Variants in KYNU observed in about 807,000 individuals in gnomAD.
KYNU encodes the protein L-kynurenine hydrolase.
A neutral mutation model predicts 59.2 loss-of-function variants in KYNU; 54 were observed. The observed-to-expected ratio is 0.91, with a 90% CI of 0.73 to 1.14. The LOEUF is 1.14. Among genes scored for constraint, KYNU ranks in the 50% most tolerant of loss-of-function variants. KYNU has a pLI of 0.00. For missense variants in KYNU, 567 were observed against 554.4 expected (o/e 1.02, Z -0.23); for synonymous variants, 177 against 192.0 (o/e 0.92, Z 0.65).
intron 1 of KYNU, among the ~76,000 whole-genome samples, chr2:142,883,079 T>C (rs971382214): frequency 3.3e-5 from 5 of 152,124 alleles, no homozygotes; most frequent in Admixed American, 6.5e-5. Context: ...AGCTAAGTGG[T>C]TTTTATTTAA....
In KYNU at chr2:143,044,733, T is replaced by C. The variant is rs1415940302; in HGVS notation, c.*2561T>C. ...CCTTGTAGATTCTGGATATTTTCCCTTTGTCAGATGGATAGATTGCAAAAA... is the reference window on the plus strand; with the variant it reads ...CCTTGTAGATTCTGGATATTTTCCCCTTGTCAGATGGATAGATTGCAAAAA... On this transcript the variant is annotated 3_prime_UTR_variant, in exon 14 of 14. Coordinates refer to ENST00000264170, the MANE Select transcript of KYNU (RefSeq NM_003937.3). 1 of 152,204 alleles carries C rather than the reference T, an allele frequency of 6.6e-6. No individual in the cohort carries two copies. The highest frequency in any genetic ancestry group is 1.9e-4 in the East Asian group (1 of 5,202). 9.4% of individuals were successfully genotyped at this position (152,204 alleles called of 1,614,324 possible). A position where few individuals can be genotyped will look rare whatever the true frequency, so the allele number is the denominator to read the frequency against.
intron 1 of KYNU, among the ~76,000 whole-genome samples, chr2:142,882,797 C>T (rs1350629187): frequency 6.6e-6 from 1 of 152,136 alleles, no homozygotes; most frequent in Non-Finnish European, 1.5e-5. Flanking sequence ...CATACATGTG[C>T]ATGTGTCTTT....
chr2:143,023,675 A>AT, intron 10 of KYNU, among the ~76,000 whole-genome samples: 1 of 152,004 alleles, frequency 6.6e-6, no homozygotes, highest in African/African-American at 2.4e-5. Context: ...GTGATAACAG[A>AT]TTAGGTAGAA....
chr2:143,036,361 G>A (rs2104921871), intron 12 of KYNU, among the ~76,000 whole-genome samples: 1 of 152,188 alleles, frequency 6.6e-6, no homozygotes, highest in South Asian at 2.1e-4. Context: ...GCTGGAATGG[G>A]ACCTCCCATT....
In KYNU at chr2:143,050,050, A is replaced by G. The variant is rs1687236930; in HGVS notation, c.*7878A>G. On this transcript the variant is annotated 3_prime_UTR_variant, in exon 14 of 14. Coordinates refer to ENST00000264170, the MANE Select transcript of KYNU (RefSeq NM_003937.3). Reference sequence around the variant, plus strand: ...ACATATATTTATATAAAATAAAAACATATAAAATATGAAATATATAATACA... The same window carrying G: ...ACATATATTTATATAAAATAAAAACGTATAAAATATGAAATATATAATACA... 6.8e-6 allele frequency: 1 copy of G among 148,088 alleles called. No individual in the cohort carries two copies. Among genetic ancestry groups the G allele is most frequent in the Non-Finnish European group, 1.5e-5 (1 of 67,122 alleles). 9.2% of individuals were successfully genotyped at this position (148,088 alleles called of 1,614,324 possible). A position where few individuals can be genotyped will look rare whatever the true frequency, so the allele number is the denominator to read the frequency against.
chr2:142,922,284 T>C (rs1682908530), intron 3 of KYNU, among the ~76,000 whole-genome samples: 1 of 152,208 alleles, frequency 6.6e-6, no homozygotes, highest in Admixed American at 6.5e-5. Flanking sequence ...GCAGATCACT[T>C]GAGTTCAGGA....
At chr2:142,918,848 C>A in intron 3 of KYNU, 119 bp downstream of exon 3, 1 of 1,184,144 alleles carries the variant, frequency 8.4e-7, no homozygotes, top group Non-Finnish European at 1.2e-6. Flanking sequence ...CATCCCTTGG[C>A]ATCTGTGGAG....
intron 2 of KYNU, among the ~76,000 whole-genome samples, chr2:142,918,197 C>T (rs1682733820): frequency 6.6e-6 from 1 of 152,034 alleles, no homozygotes; most frequent in Non-Finnish European, 1.5e-5. Context: ...AAAAAAATTG[C>T]CATGTCTACA....
At chr2:142,994,831 A>G (rs974636459) in intron 10 of KYNU, among the ~76,000 whole-genome samples, 6 of 152,134 alleles carry the variant, frequency 3.9e-5, no homozygotes, top group African/African-American at 1.4e-4. Context: ...TAGACAAACC[A>G]TCTTCTAGCA....
At chr2:142,905,892 C>T (rs554178965) in intron 2 of KYNU, among the ~76,000 whole-genome samples, 2 of 152,238 alleles carry the variant, frequency 1.3e-5, no homozygotes, top group East Asian at 1.9e-4. Flanking sequence ...AGAAGACCTT[C>T]GATTATCAAT....
intron 8 of KYNU, among the ~76,000 whole-genome samples, chr2:142,962,920 G>T (rs1198220956): frequency 1.3e-5 from 2 of 152,140 alleles, no homozygotes; most frequent in East Asian, 3.8e-4. Flanking sequence ...AGGCAGAGAA[G>T]AAATTAAAGG....
chr2:142,956,593 G>A (rs1164794625), intron 6 of KYNU, among the ~76,000 whole-genome samples: 1 of 152,088 alleles, frequency 6.6e-6, no homozygotes, highest in Non-Finnish European at 1.5e-5. Flanking sequence ...TTTATTTTAT[G>A]AAATCAAATC....
chr2:142,982,582 A>T (rs1685080878), intron 8 of KYNU, among the ~76,000 whole-genome samples: 1 of 152,070 alleles, frequency 6.6e-6, no homozygotes, highest in African/African-American at 2.4e-5. Context: ...GTAAATAACT[A>T]AAACAGAATG....
chr2:142,930,659 T>A (rs1261457993), intron 4 of KYNU, among the ~76,000 whole-genome samples: 1 of 152,122 alleles, frequency 6.6e-6, no homozygotes, highest in Non-Finnish European at 1.5e-5. Context: ...CTCTCACACG[T>A]CTTATAAGGA....
chr2:143,030,458 G>T (rs1438143608), intron 11 of KYNU, among the ~76,000 whole-genome samples: 1 of 152,030 alleles, frequency 6.6e-6, no homozygotes, highest in African/African-American at 2.4e-5. Flanking sequence ...TTTTAAATTT[G>T]TTTTCATTTT....
intron 4 of KYNU, among the ~76,000 whole-genome samples, chr2:142,946,635 G>C (rs1558937266): frequency 1.3e-5 from 2 of 152,166 alleles, no homozygotes; most frequent in South Asian, 4.1e-4. Context: ...TCCAGGCTTT[G>C]TCGTTTCACT....
chr2:143,008,395 C>A (rs1441948260), intron 10 of KYNU, among the ~76,000 whole-genome samples: 534 of 50,518 alleles, frequency 0.011, no homozygotes, highest in East Asian at 0.014. Context: ...CAGGAGCACC[C>A]AGATTCATAA....
At chr2:142,932,095 A>G (rs769037782) in intron 4 of KYNU, among the ~76,000 whole-genome samples, 43 of 152,084 alleles carry the variant, frequency 2.8e-4, no homozygotes, top group Non-Finnish European at 5.7e-4. Flanking sequence ...GGCCAGAGGG[A>G]GCCTTGGGGT....
At position 143,044,106 on chromosome 2, in the gene KYNU, T is replaced by G. The variant is rs59441438; in HGVS notation, c.*1934T>G. On this transcript the variant is annotated 3_prime_UTR_variant, in exon 14 of 14. Transcript: ENST00000264170. Reference sequence around the variant, plus strand: ...CAGTGTTTGATTTTCTGTTCCTCTGTTAGTTTGCTGAGAATGATGGTTTCC... The same window carrying G: ...CAGTGTTTGATTTTCTGTTCCTCTGGTAGTTTGCTGAGAATGATGGTTTCC... The G allele has an allele frequency of 0.11, 16,287 of 151,984 alleles. 948 individuals carry two copies. The highest frequency in any genetic ancestry group is 0.24 in the East Asian group (1,261 of 5,158). The allele number at this position is 151,984 out of a possible 1,614,324, so 9.4% of individuals were successfully genotyped here.
Sources: gnomAD v4.1 joint callset for allele counts (sites outside exome capture counted in the v4.1 genomes callset) on GRCh38, gnomAD v4.1.1 for gene constraint, MANE v1.5 for transcripts, NCBI Gene and HGNC (gene_info 2026-07-23, HGNC 2026-07-21) for gene names.